The following SH3RF3 variants were observed in gnomAD, a reference collection of about 807,000 sequenced individuals.
SH3RF3 encodes E3 ubiquitin-protein ligase SH3RF3.
SH3RF3 carries 29 observed loss-of-function variants against 66.3 expected under a neutral mutation model. The observed-to-expected ratio is 0.44, with a 90% CI of 0.33 to 0.60. The LOEUF (loss-of-function observed/expected upper bound fraction) is 0.60, where lower values mean the gene tolerates loss of function less well. Among genes scored for constraint, SH3RF3 ranks in the 20% least tolerant of loss-of-function variants. The probability of loss-of-function intolerance (pLI) is 0.04; values close to 1 mark genes in which losing one functional copy is unlikely to be tolerated. For synonymous variants in SH3RF3, 583 were observed against 532.0 expected, an observed-to-expected ratio of 1.10 and a Z score of -1.32; for missense variants, 1,194 against 1,190.9, an observed-to-expected ratio of 1.00 and a Z score of -0.04.
intron 1 of SH3RF3, among the ~76,000 whole-genome samples, chr2:109,273,763 T>A (rs963324002): frequency 6.6e-6 from 1 of 152,160 alleles, no homozygotes; most frequent in Non-Finnish European, 1.5e-5. Context: ...CCCTTTCATA[T>A]GGTGACAGGG....
intron 1 of SH3RF3, among the ~76,000 whole-genome samples, chr2:109,212,564 G>A (rs547644572): frequency 1.3e-5 from 2 of 152,326 alleles, no homozygotes; most frequent in East Asian, 3.9e-4. Context: ...ATCAAGTGGA[G>A]TGGCTTGAGG....
At chr2:109,414,602 CAT>C (rs1323466333) in intron 4 of SH3RF3, among the ~76,000 whole-genome samples, 3 of 152,134 alleles carry the variant, frequency 2.0e-5, no homozygotes, top group African/African-American at 7.2e-5. Flanking sequence ...TGCATTGCCT[CAT>C]AGATCAGCTA....
intron 3 of SH3RF3, among the ~76,000 whole-genome samples, chr2:109,384,839 C>T (rs1331089802): frequency 6.6e-6 from 1 of 152,202 alleles, no homozygotes; most frequent in Non-Finnish European, 1.5e-5. Context: ...GTAACTCCAA[C>T]CCGATGGTTC....
intron 1 of SH3RF3, among the ~76,000 whole-genome samples, chr2:109,146,336 C>T (rs533966831): frequency 6.6e-6 from 1 of 152,118 alleles, no homozygotes; most frequent in African/African-American, 2.4e-5. Flanking sequence ...TCCAGCTTCC[C>T]AAAGGTGGCC....
At chr2:109,448,707 A>G (rs1025863089) in intron 7 of SH3RF3, among the ~76,000 whole-genome samples, 1 of 152,176 alleles carries the variant, frequency 6.6e-6, no homozygotes, top group African/African-American at 2.4e-5. Flanking sequence ...TATATATTAC[A>G]ATGTAGTAAT....
At chr2:109,327,552 C>T (rs1369484591) in intron 1 of SH3RF3, among the ~76,000 whole-genome samples, 1 of 152,200 alleles carries the variant, frequency 6.6e-6, no homozygotes, top group Non-Finnish European at 1.5e-5. Flanking sequence ...TGCATTTGAA[C>T]TATACATCAA....
At chr2:109,272,668 C>T (rs565048653) in intron 1 of SH3RF3, among the ~76,000 whole-genome samples, 12 of 152,356 alleles carry the variant, frequency 7.9e-5, no homozygotes, top group Non-Finnish European at 1.5e-4. Flanking sequence ...TCCACACCAG[C>T]GCTGAGTTGT....
At chr2:109,370,485 C>T (rs958999039) in intron 2 of SH3RF3, among the ~76,000 whole-genome samples, 4 of 152,144 alleles carry the variant, frequency 2.6e-5, no homozygotes, top group South Asian at 2.1e-4. Context: ...GGTGATCACC[C>T]GCCTCGACCT....
intron 1 of SH3RF3, among the ~76,000 whole-genome samples, chr2:109,246,470 T>C (rs888537314): frequency 5.9e-5 from 9 of 152,308 alleles, no homozygotes; most frequent in African/African-American, 2.2e-4. Context: ...CTAATAGCAT[T>C]ACCTTGGAGG....
intron 4 of SH3RF3, among the ~76,000 whole-genome samples, chr2:109,414,353 G>A (rs1057134668): frequency 8.5e-5 from 13 of 152,142 alleles, no homozygotes; most frequent in African/African-American, 3.1e-4. Flanking sequence ...ATGTCTTGGG[G>A]ACTCTGTCCT....
Position 109,501,835 on chromosome 2 carries a change from G to T in SH3RF3, c.*164G>T, listed in dbSNP as rs997278413. 3.4e-6 allele frequency: 2 copies of T among 587,996 alleles called. No homozygotes were observed. The highest frequency in any genetic ancestry group is 5.5e-5 in the East Asian group (2 of 36,094). The allele number at this position is 587,996 out of a possible 1,614,324, so 36.4% of individuals were successfully genotyped here. ...GTGGGGGCCAGGGACTGTGGAGGTC[G>T]TGCCTTCTCCCAAAACCCCCAAACG... On this transcript the variant is annotated 3_prime_UTR_variant, in exon 10 of 10. Coordinates refer to ENST00000309415, the MANE Select transcript of SH3RF3 (RefSeq NM_001099289.3).
At chr2:109,304,379 T>C (rs1681544054) in intron 1 of SH3RF3, among the ~76,000 whole-genome samples, 1 of 152,166 alleles carries the variant, frequency 6.6e-6, no homozygotes, top group Admixed American at 6.5e-5. Flanking sequence ...TTTAACATAA[T>C]GTCCTCCAAG....
At chr2:109,451,857 C>G (rs1292387849) in intron 8 of SH3RF3, among the ~76,000 whole-genome samples, 1 of 152,368 alleles carries the variant, frequency 6.6e-6, no homozygotes, top group East Asian at 1.9e-4. Context: ...AGTGCGTAGG[C>G]CACGCTTGGG....
intron 1 of SH3RF3, among the ~76,000 whole-genome samples, chr2:109,306,605 G>T (rs189989274): frequency 6.6e-6 from 1 of 152,182 alleles, no homozygotes; most frequent in Non-Finnish European, 1.5e-5. Context: ...TGCCATGGCC[G>T]CAACCCACTG....
At chr2:109,254,631 G>A (rs72937588) in intron 1 of SH3RF3, among the ~76,000 whole-genome samples, 3,022 of 152,286 alleles carry the variant, frequency 0.02, 109 homozygotes, top group African/African-American at 0.068. Context: ...TGGTCAAATA[G>A]TTTCTTTGTC....
intron 1 of SH3RF3, among the ~76,000 whole-genome samples, chr2:109,258,456 G>A (rs1390379439): frequency 6.6e-6 from 1 of 152,120 alleles, no homozygotes; most frequent in East Asian, 1.9e-4. Context: ...AGGCTTCCTC[G>A]GGCCCTCAGC....
Position 109,259,173 on chromosome 2 carries a change from C to T in SH3RF3, c.574-88501C>T, listed in dbSNP as rs375036201. ...TGTGGCTGAAGTTACTTACAAAAGCCGGGTTGAGGAATCCATAAAGTGTAG... is the reference window on the plus strand; with the variant it reads ...TGTGGCTGAAGTTACTTACAAAAGCTGGGTTGAGGAATCCATAAAGTGTAG... On this transcript the variant is annotated intron_variant, in intron 1 of 9. Coordinates refer to ENST00000309415, the MANE Select transcript of SH3RF3 (RefSeq NM_001099289.3). Among the ~76,000 whole-genome samples, 19 of 152,340 alleles carry T rather than the reference C, an allele frequency of 1.2e-4. 1 individual carries two copies. In the East Asian group the frequency reaches 1.9e-3, roughly 15 times the overall value.
At chr2:109,304,728 T>C (rs1334178979) in intron 1 of SH3RF3, among the ~76,000 whole-genome samples, 3 of 152,206 alleles carry the variant, frequency 2.0e-5, no homozygotes, top group East Asian at 3.8e-4. Context: ...CCACAGCATA[T>C]AGGAGCTAAT....
rs559092005 is a variant in SH3RF3 at position 109,231,424 on chromosome 2, G to A, written c.573+101311G>A. On this transcript the variant is annotated intron_variant, in intron 1 of 9. Coordinates refer to ENST00000309415, the MANE Select transcript of SH3RF3 (RefSeq NM_001099289.3). Reference sequence around the variant, plus strand: ...TTAGATCTGTGCCTGGTTGGGGCAGGATGCTTTGCTTTTCTCGTGCAGACC... The same window carrying A: ...TTAGATCTGTGCCTGGTTGGGGCAGAATGCTTTGCTTTTCTCGTGCAGACC... 1.1e-3 allele frequency among the ~76,000 whole-genome samples: 165 copies of A among 152,350 alleles called. 1 individual carries two copies. The highest frequency in any genetic ancestry group is 3.4e-3 in the Middle Eastern group (1 of 294).
Sources: gnomAD v4.1 joint callset for allele counts (sites outside exome capture counted in the v4.1 genomes callset) on GRCh38, gnomAD v4.1.1 for gene constraint, MANE v1.5 for transcripts, NCBI Gene and HGNC (gene_info 2026-07-23, HGNC 2026-07-21) for gene names.